Variants in SV2C observed in about 807,000 individuals in gnomAD.
The protein encoded by SV2C is synaptic vesicle glycoprotein 2C, also known as solute carrier family 22 member B3.
In SV2C, 49 loss-of-function variants were observed where a neutral mutation model predicts 79.7. The observed-to-expected ratio is 0.61, with a 90% CI of 0.49 to 0.78. The LOEUF (loss-of-function observed/expected upper bound fraction) is 0.78, where lower values mean the gene tolerates loss of function less well. Among genes scored for constraint, SV2C ranks in the 30% least tolerant of loss-of-function variants. The probability of loss-of-function intolerance (pLI) is 0.00; values close to 1 mark genes in which losing one functional copy is unlikely to be tolerated. For missense variants in SV2C, 833 were observed against 912.9 expected (o/e 0.91, Z 1.13); for synonymous variants, 334 against 333.2 (o/e 1.00, Z -0.03).
At chr5:75,892,938 C>T in the SV2C span, among the ~76,000 whole-genome samples, 1 of 151,922 alleles carries the variant, frequency 6.6e-6, no homozygotes, top group Non-Finnish European at 1.5e-5. Flanking sequence ...GGGTATATAC[C>T]CAGTAATGGG....
At chr5:75,976,303 C>T in the SV2C span, among the ~76,000 whole-genome samples, 1 of 152,124 alleles carries the variant, frequency 6.6e-6, no homozygotes, top group African/African-American at 2.4e-5. Flanking sequence ...TTCTCTCTCT[C>T]TCTGGAGCAG....
intron 1 of SV2C, among the ~76,000 whole-genome samples, chr5:76,114,104 T>C (rs1462597049): frequency 6.6e-6 from 1 of 152,198 alleles, no homozygotes; most frequent in African/African-American, 2.4e-5. Context: ...TGTGGGGACT[T>C]GTGCACCACT....
chr5:75,921,545 A>G, the SV2C span: 73 of 842,114 alleles, frequency 8.7e-5, no homozygotes, highest in Middle Eastern at 6.7e-4. Context: ...GATTGAAGGC[A>G]TGGTCTTGGG....
chr5:75,899,062 A>G, the SV2C span, among the ~76,000 whole-genome samples: 11 of 151,686 alleles, frequency 7.3e-5, no homozygotes, highest in African/African-American at 2.7e-4. Context: ...TTGTGTCTCT[A>G]TTTCCTTCAG....
At chr5:75,886,348 C>G in the SV2C span, among the ~76,000 whole-genome samples, 1 of 152,162 alleles carries the variant, frequency 6.6e-6, no homozygotes, top group South Asian at 2.1e-4. Context: ...CCCATCTCCT[C>G]CCTAGCACAG....
chr5:75,911,590 A>G, the SV2C span: 1 of 682,616 alleles, frequency 1.5e-6, no homozygotes, highest in Non-Finnish European at 2.7e-6. Context: ...AGAACTACAA[A>G]AGAAGCCAGT....
intron 12 of SV2C, among the ~76,000 whole-genome samples, chr5:76,302,086 G>C (rs1374320334): frequency 6.6e-6 from 1 of 152,166 alleles, no homozygotes; most frequent in Non-Finnish European, 1.5e-5. Flanking sequence ...GAATTTAAGT[G>C]TGTCCTTAAC....
chr5:76,036,587 G>A, the SV2C span, among the ~76,000 whole-genome samples: 1 of 152,128 alleles, frequency 6.6e-6, no homozygotes, highest in Non-Finnish European at 1.5e-5. Flanking sequence ...CTCTCTTCTG[G>A]CATGTAGAAT....
At chr5:75,895,921 T>G in the SV2C span, among the ~76,000 whole-genome samples, 2 of 152,118 alleles carry the variant, frequency 1.3e-5, no homozygotes, top group African/African-American at 4.8e-5. Flanking sequence ...GGTTTCTATT[T>G]GAACCTATCT....
rs10582798 is a variant in SV2C at position 76,099,365 on chromosome 5, C to CGTGTGTGTGT, written c.-102+15874_-102+15883dup. On this transcript the variant is annotated intron_variant, in intron 1 of 12. Transcript: ENST00000502798. ...TGCCATATTAGTGCTTTCTTTTGCTCGTGTGTGTGTGTGTGTGTGTGTGTG... is the reference window on the plus strand; with the variant it reads ...TGCCATATTAGTGCTTTCTTTTGCTCGTGTGTGTGTGTGTGTGTGTGTGTGTGTGTGTGTG... Among the ~76,000 whole-genome samples, 475 of 148,602 alleles carry CGTGTGTGTGT rather than the reference C, an allele frequency of 3.2e-3. 4 individuals are homozygous for CGTGTGTGTGT. Among genetic ancestry groups the CGTGTGTGTGT allele is most frequent in the Middle Eastern group, 0.011 (3 of 284 alleles).
chr5:76,081,492 A>C (rs1039857096), upstream of SV2C, among the ~76,000 whole-genome samples: 2 of 152,196 alleles, frequency 1.3e-5, no homozygotes, highest in African/African-American at 4.8e-5. Flanking sequence ...GCAGCACATT[A>C]ATTTTAGCCT....
the SV2C span, among the ~76,000 whole-genome samples, chr5:75,940,910 A>G: frequency 2.0e-5 from 3 of 152,216 alleles, no homozygotes; most frequent in African/African-American, 7.2e-5. Flanking sequence ...CCACTTGCCT[A>G]GGATCCTAAA....
intron 2 of SV2C, among the ~76,000 whole-genome samples, chr5:76,184,745 G>T (rs1412618391): frequency 6.6e-6 from 1 of 152,172 alleles, no homozygotes; most frequent in Admixed American, 6.5e-5. Context: ...TCCCACCCTT[G>T]ACACGTGGGG....
At chr5:75,919,963 G>T in the SV2C span, among the ~76,000 whole-genome samples, 6 of 152,326 alleles carry the variant, frequency 3.9e-5, no homozygotes, top group African/African-American at 1.4e-4. Flanking sequence ...GAAGTATATG[G>T]CCTCTTTCTG....
At position 76,190,777 on chromosome 5, in the gene SV2C, TA is replaced by T. The variant is rs375872141; in HGVS notation, c.581-4135del. Among the ~76,000 whole-genome samples the T allele has an allele frequency of 4.6e-4, 70 of 152,248 alleles. No homozygotes were observed. The East Asian group carries it at 0.011, about 24-fold the overall frequency. Reference sequence around the variant, plus strand: ...TTCTTATGAAAGAAGTAATAACATCTAAAAAAATGAAGCATTATTTGAGTAA... The same window carrying T: ...TTCTTATGAAAGAAGTAATAACATCTAAAAAATGAAGCATTATTTGAGTAA... On this transcript the variant is annotated intron_variant, in intron 2 of 12. Transcript: ENST00000502798.
intron 4 of SV2C, among the ~76,000 whole-genome samples, chr5:76,246,963 A>G (rs1329180859): frequency 6.6e-6 from 1 of 152,224 alleles, no homozygotes; most frequent in Non-Finnish European, 1.5e-5. Context: ...TGGAGGTACG[A>G]AGAGATTCAG....
the SV2C span, among the ~76,000 whole-genome samples, chr5:75,930,349 T>C: frequency 1.3e-5 from 2 of 152,246 alleles, no homozygotes; most frequent in Non-Finnish European, 2.9e-5. Context: ...CAATTGTAAA[T>C]TTTAAGATAT....
rs571975156 is a variant in SV2C at position 76,140,807 on chromosome 5, C to G, written c.580+8477C>G. Among the ~76,000 whole-genome samples the G allele has an allele frequency of 3.3e-5, 5 of 152,204 alleles. No homozygotes were observed. In the East Asian group the frequency reaches 9.7e-4, roughly 29 times the overall value. The stretch of plus-strand genomic sequence containing the variant: ...GACTTTAGGATCAGCAGCTCTATAC[C>G]CTGCTTGATCTCTTTGTCCTCAGCA... On this transcript the variant is annotated intron_variant, in intron 2 of 12. Coordinates refer to ENST00000502798, the MANE Select transcript of SV2C (RefSeq NM_014979.4).
chr5:76,122,375 C>T (rs1213735093), intron 1 of SV2C, among the ~76,000 whole-genome samples: 26 of 151,328 alleles, frequency 1.7e-4, no homozygotes, highest in Non-Finnish European at 2.6e-4. Flanking sequence ...CTTCTCCTGC[C>T]TAATTGCCCT....
Sources: allele counts gnomAD v4.1 joint callset (sites outside exome capture counted in the v4.1 genomes callset), GRCh38; gene constraint gnomAD v4.1.1; transcripts MANE v1.5; gene names NCBI Gene and HGNC (gene_info 2026-07-23, HGNC 2026-07-21).